Variants in HMGA2 observed in about 807,000 individuals in gnomAD.
HMGA2 encodes the protein high mobility group AT-hook 2, also known as high mobility group protein HMGI-C.
Under a neutral mutation model 19.1 loss-of-function variants are expected in HMGA2, and 8 were observed. The observed-to-expected ratio is 0.42, with a 90% CI of 0.25 to 0.76. HMGA2 has a LOEUF of 0.76. Ranked by LOEUF, HMGA2 falls within the 30% of genes least tolerant of loss-of-function variation. HMGA2 has a pLI of 0.28. For missense variants in HMGA2, 109 were observed against 136.3 expected (o/e 0.80, Z 1.00); for synonymous variants, 60 against 48.8 (o/e 1.23, Z -0.96).
intron 3 of HMGA2, among the ~76,000 whole-genome samples, chr12:65,861,635 A>C (rs187596815): frequency 1.2e-3 from 185 of 151,208 alleles, no homozygotes; most frequent in Non-Finnish European, 2.2e-3. Flanking sequence ...AAAAAAAAAA[A>C]AAAAAACCTA....
chr12:65,949,322 T>C (rs890601312), intron 3 of HMGA2, among the ~76,000 whole-genome samples: 3 of 152,026 alleles, frequency 2.0e-5, no homozygotes, highest in African/African-American at 7.2e-5. Context: ...ATTTTTAATG[T>C]ACCAGCAATA....
intron 3 of HMGA2, among the ~76,000 whole-genome samples, chr12:65,912,465 T>C (rs1874887192): frequency 6.6e-6 from 1 of 152,204 alleles, no homozygotes; most frequent in Non-Finnish European, 1.5e-5. Flanking sequence ...AGACCTTGCT[T>C]CCTGCTCCTG....
intron 3 of HMGA2, among the ~76,000 whole-genome samples, chr12:65,840,082 A>G (rs1870930077): frequency 1.3e-5 from 2 of 152,128 alleles, no homozygotes; most frequent in African/African-American, 4.8e-5. Flanking sequence ...TTTTCTGAAC[A>G]TGTTTGTTCG....
intron 3 of HMGA2, among the ~76,000 whole-genome samples, chr12:65,922,145 G>C (rs750739288): frequency 4.6e-5 from 7 of 152,186 alleles, no homozygotes; most frequent in Non-Finnish European, 8.8e-5. Flanking sequence ...GTCCCAACTG[G>C]GACACTGCCT....
chr12:65,961,118 C>T (rs73329616), intron 4 of HMGA2, among the ~76,000 whole-genome samples: 6,815 of 152,264 alleles, frequency 0.045, 521 homozygotes, highest in African/African-American at 0.15. Context: ...TGAGTTCTAT[C>T]AATTTTTTAA....
rs1870070668 is a variant in HMGA2, at chr12:65,825,017, GCCGCCGCCA to G, written c.-250_-242del. ...CCACCTCCGGCACCCACCCACCGCC[GCCGCCGCCA>G]CCGGCAGCGCCTCCTCCTCTCCTCC... is the stretch of plus-strand genomic sequence containing the variant. On this transcript the variant is annotated 5_prime_UTR_variant, in exon 1 of 5. Transcript: ENST00000403681. This position sits in a 1 kb window ranked among gnomAD's most constrained non-coding sequence, Gnocchi z 4.4. 8 of 413,652 alleles carry G rather than the reference GCCGCCGCCA, an allele frequency of 1.9e-5. No homozygotes were observed. The South Asian group carries it at 3.5e-4, about 18-fold the overall frequency. The allele number at this position is 413,652 out of a possible 1,614,324, so 25.6% of individuals were successfully genotyped here.
intron 3 of HMGA2, among the ~76,000 whole-genome samples, chr12:65,913,211 TCTG>T (rs1297104857): frequency 2.0e-5 from 3 of 152,346 alleles, no homozygotes; most frequent in African/African-American, 7.2e-5. Flanking sequence ...ATTTTTTCCT[TCTG>T]CCATTTTGTA....
chr12:65,847,638 T>C (rs979870881), intron 3 of HMGA2, among the ~76,000 whole-genome samples: 4 of 152,196 alleles, frequency 2.6e-5, no homozygotes, highest in Non-Finnish European at 5.9e-5. Context: ...TTGTTGATCA[T>C]CCCAGCCCCA....
rs148243388 is a variant in HMGA2 at position 65,893,043 on chromosome 12, C to T, written c.249+54474C>T. On this transcript the variant is annotated intron_variant, in intron 3 of 4. Transcript: ENST00000403681. ...AGTCCCTCTTCCTCTGCGAGTGTGTCTATGACAGATTTATACTGATGGCTA... is the reference window on the plus strand; with the variant it reads ...AGTCCCTCTTCCTCTGCGAGTGTGTTTATGACAGATTTATACTGATGGCTA... 2.9e-3 allele frequency among the ~76,000 whole-genome samples: 444 copies of T among 152,256 alleles called. 1 individual carries two copies. The highest frequency in any genetic ancestry group is 5.1e-3 in the Non-Finnish European group (347 of 68,024).
At chr12:65,913,222 G>T (rs917348267) in intron 3 of HMGA2, among the ~76,000 whole-genome samples, 1 of 151,900 alleles carries the variant, frequency 6.6e-6, no homozygotes, top group Non-Finnish European at 1.5e-5. Context: ...CTGCCATTTT[G>T]TACCATTCTG....
chr12:65,845,185 A>G (rs1371423800), intron 3 of HMGA2, among the ~76,000 whole-genome samples: 1 of 152,232 alleles, frequency 6.6e-6, no homozygotes, highest in Non-Finnish European at 1.5e-5. Context: ...GTAAACAAGT[A>G]AAATGATTAT....
intron 3 of HMGA2, among the ~76,000 whole-genome samples, chr12:65,905,182 TCACACACACA>T (rs139108942): frequency 6.7e-6 from 1 of 149,278 alleles, no homozygotes. Context: ...ATTGACTTTA[TCACACACACA>T]CACACACACA....
intron 3 of HMGA2, among the ~76,000 whole-genome samples, chr12:65,844,679 A>G (rs1003630197): frequency 6.6e-6 from 1 of 152,216 alleles, no homozygotes; most frequent in Non-Finnish European, 1.5e-5. Context: ...AATCTGCCCT[A>G]CTTGGTCAGC....
Position 65,824,997 on chromosome 12 carries a change from T to TCCGGCACCCACCCA in HMGA2, c.-270_-257dup. On this transcript the variant is annotated 5_prime_UTR_variant, in exon 1 of 5. Transcript: ENST00000403681. ...CTCCACCTCCACCGCCACCTCCACC[T>TCCGGCACCCACCCA]CCGGCACCCACCCACCGCCGCCGCC... 1 of 414,480 alleles carries TCCGGCACCCACCCA rather than the reference T, an allele frequency of 2.4e-6. No homozygotes were observed. Among genetic ancestry groups the TCCGGCACCCACCCA allele is most frequent in the South Asian group, 3.9e-5 (1 of 25,590 alleles). 25.7% of individuals were successfully genotyped at this position (414,480 alleles called of 1,614,324 possible). A position where few individuals can be genotyped will look rare whatever the true frequency, so the allele number is the denominator to read the frequency against.
chr12:65,851,959 A>G (rs1201423306), intron 3 of HMGA2, among the ~76,000 whole-genome samples: 2 of 152,154 alleles, frequency 1.3e-5, no homozygotes, highest in East Asian at 3.9e-4. Context: ...TAATTGTCAT[A>G]TCTTCTTTGT....
intron 3 of HMGA2, chr12:65,858,272 C>A (rs1592391858): frequency 6.6e-6 from 1 of 152,184 alleles, no homozygotes; most frequent in East Asian, 1.9e-4. Flanking sequence ...TTGTTAGACT[C>A]ATCCCTCAGT....
rs34455107 is a variant in HMGA2 at position 65,875,299 on chromosome 12, C to G, written c.249+36730C>G. ...TCCTGAGTGAGTAAATGATACTATT[C>G]TAAGGTGATCTATTTACATACACTA... On this transcript the variant is annotated intron_variant, in intron 3 of 4. Coordinates refer to ENST00000403681, the MANE Select transcript of HMGA2 (RefSeq NM_003483.6). 7.2e-5 allele frequency among the ~76,000 whole-genome samples: 11 copies of G among 152,232 alleles called. No homozygotes were observed. In the South Asian group the frequency reaches 2.1e-3, roughly 29 times the overall value.
intron 3 of HMGA2, among the ~76,000 whole-genome samples, chr12:65,893,591 G>A (rs1490991325): frequency 3.9e-5 from 6 of 152,312 alleles, no homozygotes; most frequent in African/African-American, 1.4e-4. Context: ...GGTTTCAGAG[G>A]TAGCGGCTGG....
chr12:65,867,051 GGA>G, intron 3 of HMGA2: 3 of 424,348 alleles, frequency 7.1e-6, no homozygotes, highest in South Asian at 5.1e-5. Context: ...AGAAGAAAGA[GGA>G]GAGTGTGTGA....
Sources: allele counts gnomAD v4.1 joint callset (sites outside exome capture counted in the v4.1 genomes callset), GRCh38; gene constraint gnomAD v4.1.1; non-coding constraint Gnocchi (gnomAD v3.1); transcripts MANE v1.5; gene names NCBI Gene and HGNC (gene_info 2026-07-23, HGNC 2026-07-21).